Variants in PARD3 observed in about 807,000 individuals in gnomAD.
PARD3 encodes partitioning defective 3 homolog.
A neutral mutation model predicts 155.4 loss-of-function variants in PARD3; 75 were observed. The ratio of observed to expected loss-of-function variants is 0.48; its 90% CI spans 0.40 to 0.58. The LOEUF (loss-of-function observed/expected upper bound fraction) is 0.58. Ranked by LOEUF, PARD3 falls within the 20% of genes least tolerant of loss-of-function variation. The pLI, the probability that PARD3 is intolerant of heterozygous loss-of-function variation, is 0.00. For missense variants in PARD3, 1,642 were observed against 1,721.7 expected (o/e 0.95, Z 0.82); for synonymous variants, 576 against 610.5 (o/e 0.94, Z 0.83).
chr10:34,792,798 A>G (rs1841825414), intron 1 of PARD3, among the ~76,000 whole-genome samples: 1 of 152,262 alleles, frequency 6.6e-6, no homozygotes, highest in African/African-American at 2.4e-5. Context: ...GAGACTGCAG[A>G]AATCCTCCTT....
intron 22 of PARD3, among the ~76,000 whole-genome samples, chr10:34,132,040 G>C (rs1003199016): frequency 2.0e-5 from 3 of 152,134 alleles, no homozygotes; most frequent in Non-Finnish European, 4.4e-5. Context: ...TATCTGAGTT[G>C]TAATAATCAA....
chr10:34,110,281 T>C lies in PARD3; in HGVS notation c.*888A>G, dbSNP rs1946334679. 1 of 152,160 alleles carries C rather than the reference T, an allele frequency of 6.6e-6. No homozygotes were observed. The highest frequency in any genetic ancestry group is 2.4e-5 in the African/African-American group (1 of 41,438). The allele number at this position is 152,160 out of a possible 1,614,324, so 9.4% of individuals were successfully genotyped here. On this transcript the variant is annotated 3_prime_UTR_variant, in exon 25 of 25. Transcript: ENST00000374788. ...ATTCTGTGCCCTTCCTGACAAGCTG[T>C]CAGAACAAAAACTAATTAAAATAAT... is the stretch of plus-strand genomic sequence containing the variant.
chr10:34,413,447 C>CT (rs11284199), intron 5 of PARD3, among the ~76,000 whole-genome samples: 54,606 of 143,904 alleles, frequency 0.38, 12,265 homozygotes, highest in East Asian at 0.51. Flanking sequence ...CCAGCTCTAC[C>CT]TTTTTTTTTT....
At chr10:34,210,039 G>A (rs1385160370) in intron 22 of PARD3, among the ~76,000 whole-genome samples, 1 of 152,116 alleles carries the variant, frequency 6.6e-6, no homozygotes, top group Non-Finnish European at 1.5e-5. Context: ...TACATTGCAA[G>A]GCTAGGAAGT....
intron 22 of PARD3, among the ~76,000 whole-genome samples, chr10:34,240,045 T>C (rs1953481792): frequency 6.6e-6 from 1 of 152,142 alleles, no homozygotes; most frequent in Admixed American, 6.5e-5. Context: ...ACAGGAACAT[T>C]CTCAGTGATT....
chr10:34,161,665 A>C (rs1949287826), intron 22 of PARD3, among the ~76,000 whole-genome samples: 1 of 152,206 alleles, frequency 6.6e-6, no homozygotes, highest in Non-Finnish European at 1.5e-5. Flanking sequence ...GGAAAAAAAC[A>C]TAAAAGAACA....
intron 2 of PARD3, among the ~76,000 whole-genome samples, chr10:34,560,753 G>A (rs763281188): frequency 2.6e-5 from 4 of 152,118 alleles, no homozygotes; most frequent in Non-Finnish European, 5.9e-5. Context: ...TGTCCACTGC[G>A]TTCATTTTAA....
At chr10:34,801,760 G>A (rs1232240753) in intron 1 of PARD3, among the ~76,000 whole-genome samples, 3 of 152,094 alleles carry the variant, frequency 2.0e-5, no homozygotes, top group Non-Finnish European at 2.9e-5. Context: ...ATCTTAAGAT[G>A]CCCAAAATCA....
At chr10:34,585,559 G>A (rs1386570721) in intron 2 of PARD3, among the ~76,000 whole-genome samples, 1 of 70,046 alleles carries the variant, frequency 1.4e-5, no homozygotes, top group Admixed American at 1.4e-4. Context: ...TTTTTTTTTT[G>A]GCAAAACTCT....
intron 22 of PARD3, among the ~76,000 whole-genome samples, chr10:34,258,532 C>T (rs1206355558): frequency 1.3e-5 from 2 of 152,084 alleles, no homozygotes; most frequent in African/African-American, 2.4e-5. Context: ...CAGTTGGGAT[C>T]AGGTGACTGA....
rs542769350 is a variant in PARD3, at chr10:34,533,378, C to T, written c.223-16219G>A. On this transcript the variant is annotated intron_variant, in intron 2 of 24. Coordinates refer to ENST00000374788, the MANE Select transcript of PARD3 (RefSeq NM_001184785.2). ...ATCCATACCCCAAACCTCAACATAA[C>T]GCAATATATCCATGCAACAAACCTG... Among the ~76,000 whole-genome samples, 10 of 152,212 alleles carry T rather than the reference C, an allele frequency of 6.6e-5. No individual in the cohort carries two copies. The South Asian group carries it at 1.2e-3, about 19-fold the overall frequency.
intron 2 of PARD3, among the ~76,000 whole-genome samples, chr10:34,628,707 T>G (rs1217340929): frequency 6.6e-6 from 1 of 152,176 alleles, no homozygotes; most frequent in Non-Finnish European, 1.5e-5. Context: ...CTGATGGGCC[T>G]GACCAGGATG....
At chr10:34,453,383 T>C (rs186392738) in intron 4 of PARD3, among the ~76,000 whole-genome samples, 2 of 152,322 alleles carry the variant, frequency 1.3e-5, no homozygotes, top group East Asian at 1.9e-4. Flanking sequence ...ATTTTAAAAA[T>C]TGCTATTTCT....
At chr10:34,168,879 T>C (rs1025029749) in intron 22 of PARD3, among the ~76,000 whole-genome samples, 2 of 152,262 alleles carry the variant, frequency 1.3e-5, no homozygotes, top group Non-Finnish European at 2.9e-5. Context: ...CTGATGTTCC[T>C]GCTTCCTAAT....
At chr10:34,733,412 T>C (rs2094852739) in intron 1 of PARD3, among the ~76,000 whole-genome samples, 1 of 152,186 alleles carries the variant, frequency 6.6e-6, no homozygotes, top group African/African-American at 2.4e-5. Flanking sequence ...AATACAAACA[T>C]AATTCTACGT....
chr10:34,644,944 C>A (rs2092790762), intron 2 of PARD3, among the ~76,000 whole-genome samples: 1 of 152,136 alleles, frequency 6.6e-6, no homozygotes. Context: ...GCCTTGAACT[C>A]CTGGGCTCAA....
chr10:34,599,486 G>GAA (rs1233204282), intron 2 of PARD3, among the ~76,000 whole-genome samples: 2 of 152,184 alleles, frequency 1.3e-5, no homozygotes, highest in African/African-American at 4.8e-5. Flanking sequence ...ATGGAACTGA[G>GAA]AAACATAACC....
intron 5 of PARD3, among the ~76,000 whole-genome samples, chr10:34,419,237 G>A (rs1233931252): frequency 1.3e-5 from 2 of 152,134 alleles, no homozygotes; most frequent in African/African-American, 2.4e-5. Flanking sequence ...AAAGAAACAG[G>A]CCAGGTGCGG....
chr10:34,330,559 C>G (rs1835508161), intron 19 of PARD3, among the ~76,000 whole-genome samples: 1 of 152,016 alleles, frequency 6.6e-6, no homozygotes, highest in Non-Finnish European at 1.5e-5. Flanking sequence ...TGGAGACATC[C>G]TATTTGAGAC....
Sources: allele counts gnomAD v4.1 joint callset (sites outside exome capture counted in the v4.1 genomes callset), GRCh38; gene constraint gnomAD v4.1.1; transcripts MANE v1.5; gene names NCBI Gene and HGNC (gene_info 2026-07-23, HGNC 2026-07-21).